EML5: variants seen among roughly 807,000 people sequenced by gnomAD.
EML5 encodes the protein EMAP like 5.
A neutral mutation model predicts 250.0 loss-of-function variants in EML5; 120 were observed. The observed-to-expected ratio is 0.48, with a 90% CI of 0.41 to 0.56. The LOEUF is 0.56. Ranked by LOEUF, EML5 falls within the 20% of genes least tolerant of loss-of-function variation. The pLI is 0.00. For synonymous variants in EML5, 771 were observed against 806.5 expected, an observed-to-expected ratio of 0.96 and a Z score of 0.75; for missense variants, 2,006 against 2,437.6, an observed-to-expected ratio of 0.82 and a Z score of 3.73.
chr14:88,654,742 A>C (rs776099311), intron 27 of EML5, among the ~76,000 whole-genome samples: 3 of 152,168 alleles, frequency 2.0e-5, no homozygotes, highest in Non-Finnish European at 4.4e-5. Context: ...GGTGCTGAGA[A>C]GAATGTATAT....
chr14:88,777,839 G>A (rs2140717087), intron 1 of EML5, among the ~76,000 whole-genome samples: 2 of 152,266 alleles, frequency 1.3e-5, no homozygotes, highest in East Asian at 3.9e-4. Flanking sequence ...GCTGGACATG[G>A]TGGCACACAC....
At chr14:88,663,210 A>G (rs1490110925) in intron 23 of EML5, 91 bp from the exon 24 acceptor site, 3 of 828,280 alleles carry the variant, frequency 3.6e-6, no homozygotes, top group East Asian at 6.3e-5. Context: ...ATGGGAAAAA[A>G]TCAGCTTAAA....
intron 10 of EML5, among the ~76,000 whole-genome samples, chr14:88,710,926 T>C (rs1566677294): frequency 1.3e-5 from 2 of 152,330 alleles, no homozygotes; most frequent in East Asian, 3.9e-4. Flanking sequence ...TCGACTTCTC[T>C]CTTGCAAATG....
chr14:88,620,804 T>C lies in EML5; in HGVS notation c.5325A>G (p.Leu1775=). The C allele has an allele frequency of 6.2e-7, 1 of 1,609,016 alleles. No homozygotes were observed. Residue 1775 remains leucine, a synonymous_variant, in exon 39 of 44, where the codon CTA becomes CTG. Coordinates refer to ENST00000554922, the MANE Select transcript of EML5 (RefSeq NM_183387.3). The surrounding 1 kb of genome is among the most constrained non-coding windows in gnomAD (Gnocchi z 4.3). ...GEFIILLVSS[L]KIWGKKRDRR... ...TGTCTCTCTTCTTTCCCCATATTTT[T>C]AGAGAACTCACTAGTAAAATGATAA...
At chr14:88,690,421 T>C (rs569214022) in intron 17 of EML5, among the ~76,000 whole-genome samples, 1 of 152,284 alleles carries the variant, frequency 6.6e-6, no homozygotes, top group East Asian at 1.9e-4. Context: ...CAAAGTGATA[T>C]CATAGAAGAT....
chr14:88,681,914 A>C lies in EML5; in HGVS notation c.3100T>G (p.Leu1034Val). The change falls in exon 21 of 44, where the codon TTG becomes GTG. Residue 1034 changes from leucine to valine, a missense_variant. Coordinates refer to ENST00000554922, the MANE Select transcript of EML5 (RefSeq NM_183387.3). ...IWDLSPSHCM[L>V]AVRKLKKGGR... ...CCCTTTTTCAGCTTCCGGACAGCCA[A>C]CATACAATGACTAGGTGAGAGATCC... 1 of 1,611,226 alleles carries C rather than the reference A, an allele frequency of 6.2e-7. No homozygotes were observed. Among genetic ancestry groups the C allele is most frequent in the African/African-American group, 1.3e-5 (1 of 74,852 alleles).
intron 27 of EML5, among the ~76,000 whole-genome samples, chr14:88,651,654 T>C (rs1282455579): frequency 6.6e-6 from 1 of 151,996 alleles, no homozygotes; most frequent in African/African-American, 2.4e-5. Context: ...GGAGACATAA[T>C]TTTCCTTAAG....
chr14:88,768,974 T>C (rs913409193), intron 1 of EML5, among the ~76,000 whole-genome samples: 41 of 152,194 alleles, frequency 2.7e-4, no homozygotes, highest in Admixed American at 2.6e-3. Context: ...AGATAATATG[T>C]AAACCATGCA....
chr14:88,616,062 C>CAA, intron 43 of EML5, 80 bp downstream of exon 43: 1 of 1,488,638 alleles, frequency 6.7e-7, no homozygotes, highest in Non-Finnish European at 9.3e-7. Context: ...ATTTCATAAA[C>CAA]CAAAGCTGTA....
At position 88,727,091 on chromosome 14, in the gene EML5, T is replaced by C. The variant is rs188989719; in HGVS notation, c.1050-413A>G. On this transcript the variant is annotated intron_variant, in intron 7 of 43. Coordinates refer to ENST00000554922, the MANE Select transcript of EML5 (RefSeq NM_183387.3). ...TGGTATCCTTTTAGCACAGTTATAG[T>C]GTCACTGCATAATAAACACAATGTT... Among the ~76,000 whole-genome samples the C allele has an allele frequency of 9.1e-4, 139 of 152,268 alleles. 1 individual carries two copies. The highest frequency in any genetic ancestry group is 3.2e-3 in the African/African-American group (132 of 41,544).
intron 27 of EML5, among the ~76,000 whole-genome samples, chr14:88,654,147 T>C (rs1201240839): frequency 6.6e-6 from 1 of 152,186 alleles, no homozygotes; most frequent in Non-Finnish European, 1.5e-5. Context: ...ACATTTTTTA[T>C]TGTGTCTTTT....
At chr14:88,696,782 G>C in intron 15 of EML5, 65 bp downstream of exon 15, 1 of 1,153,642 alleles carries the variant, frequency 8.7e-7, no homozygotes, top group Non-Finnish European at 1.2e-6. Flanking sequence ...CACTGACTTA[G>C]ATTAAAATGC....
At chr14:88,789,069 T>TAA (rs879877223) in intron 1 of EML5, among the ~76,000 whole-genome samples, 1 of 137,600 alleles carries the variant, frequency 7.3e-6, no homozygotes, top group Non-Finnish European at 1.6e-5. Flanking sequence ...TGTCTCAGTT[T>TAA]AAAAAAAAAA....
chr14:88,710,432 A>G (rs2093386317), intron 10 of EML5, among the ~76,000 whole-genome samples: 1 of 152,308 alleles, frequency 6.6e-6, no homozygotes, highest in Non-Finnish European at 1.5e-5. Context: ...TATCTAAAAT[A>G]TATTAATACA....
intron 22 of EML5, 24 bp from the exon 23 acceptor site, chr14:88,664,648 G>C (rs760922444): frequency 6.3e-7 from 1 of 1,592,800 alleles, no homozygotes; most frequent in South Asian, 1.2e-5. Flanking sequence ...ATATTTGCTT[G>C]ACATTTTCTA....
chr14:88,725,913 T>C (rs1266411722), intron 8 of EML5, among the ~76,000 whole-genome samples: 1 of 152,190 alleles, frequency 6.6e-6, no homozygotes, highest in Non-Finnish European at 1.5e-5. Flanking sequence ...GTGTTAATAG[T>C]TTCTGAATTG....
At chr14:88,687,791 A>T (rs1262238907) in intron 18 of EML5, among the ~76,000 whole-genome samples, 1 of 152,222 alleles carries the variant, frequency 6.6e-6, no homozygotes, top group African/African-American at 2.4e-5. Context: ...CAACAACAGC[A>T]GACCTGGCTG....
intron 4 of EML5, among the ~76,000 whole-genome samples, chr14:88,742,276 A>C (rs1460854859): frequency 6.6e-6 from 1 of 152,110 alleles, no homozygotes; most frequent in Non-Finnish European, 1.5e-5. Context: ...CACGCTTTCC[A>C]ATACAGTAAC....
intron 31 of EML5, 86 bp from the exon 32 acceptor site, chr14:88,638,993 T>A: frequency 1.0e-6 from 1 of 970,882 alleles, no homozygotes; most frequent in African/African-American, 1.7e-5. Flanking sequence ...AACTACTCTT[T>A]AACTTATTTG....
Sources: gnomAD v4.1 joint callset for allele counts (sites outside exome capture counted in the v4.1 genomes callset) on GRCh38, gnomAD v4.1.1 for gene constraint, Gnocchi (gnomAD v3.1) non-coding constraint, MANE v1.5 for transcripts, NCBI Gene and HGNC (gene_info 2026-07-23, HGNC 2026-07-21) for gene names.